ATP8B1: variants seen among roughly 807,000 people sequenced by gnomAD.
ATP8B1 encodes ATPase phospholipid transporting 8B1.
ATP8B1 carries 80 observed loss-of-function variants against 149.9 expected under a neutral mutation model. That is an observed-to-expected ratio of 0.53 (90% CI 0.45 to 0.64). The LOEUF is 0.64. Among genes scored for constraint, ATP8B1 ranks in the 30% least tolerant of loss-of-function variants. ATP8B1 has a pLI of 0.00. For synonymous variants in ATP8B1, 536 were observed against 562.8 expected (o/e 0.95, Z 0.67); for missense variants, 1,247 against 1,552.6 (o/e 0.80, Z 3.31).
rs1278178095 is a variant in ATP8B1 at position 57,802,243 on chromosome 18, G to T, written c.-26+755C>A. ...AACATCTCCCCGCGCCCCCCAACAAGTTGCCCCTCCTCGTGCACACAGCGA... is the reference window on the plus strand; with the variant it reads ...AACATCTCCCCGCGCCCCCCAACAATTTGCCCCTCCTCGTGCACACAGCGA... On this transcript the variant is annotated intron_variant, in intron 1 of 27. Transcript: ENST00000648908. The surrounding 1 kb of genome is among the most constrained non-coding windows in gnomAD (Gnocchi z 4.9). Among the ~76,000 whole-genome samples the T allele has an allele frequency of 2.0e-5, 3 of 152,164 alleles. No homozygotes were observed. The highest frequency in any genetic ancestry group is 7.2e-5 in the African/African-American group (3 of 41,434).
chr18:57,796,790 G>A (rs1040045960), intron 1 of ATP8B1, among the ~76,000 whole-genome samples: 3 of 152,262 alleles, frequency 2.0e-5, no homozygotes, highest in Admixed American at 6.5e-5. Context: ...GGATTCAAGC[G>A]ATTCTCCTGC....
At chr18:57,682,905 T>C (rs1912053522) in intron 15 of ATP8B1, among the ~76,000 whole-genome samples, 1 of 152,084 alleles carries the variant, frequency 6.6e-6, no homozygotes, top group Admixed American at 6.6e-5. Flanking sequence ...ATGGTGAGAC[T>C]ATGGCTCACT....
At chr18:57,648,849 C>T (rs987121574) in intron 27 of ATP8B1, 137 bp from the exon 28 acceptor site, 9 of 499,640 alleles carry the variant, frequency 1.8e-5, no homozygotes, top group African/African-American at 9.6e-5. Context: ...GTTCTGTCCC[C>T]ACTTGTGTGT....
intron 16 of ATP8B1, among the ~76,000 whole-genome samples, chr18:57,671,969 A>G (rs1911239642): frequency 6.6e-6 from 1 of 152,176 alleles, no homozygotes; most frequent in Non-Finnish European, 1.5e-5. Context: ...TTAATTTGAA[A>G]TGTTACTATC....
At chr18:57,761,669 A>C (rs2080159458) in intron 1 of ATP8B1, among the ~76,000 whole-genome samples, 1 of 150,366 alleles carries the variant, frequency 6.7e-6, no homozygotes, top group African/African-American at 2.4e-5. Flanking sequence ...TTTTTAATGG[A>C]CTAGGCCAGG....
At chr18:57,648,971 C>T (rs866024060) in intron 27 of ATP8B1, among the ~76,000 whole-genome samples, 3 of 152,020 alleles carry the variant, frequency 2.0e-5, no homozygotes, top group African/African-American at 7.3e-5. Flanking sequence ...GATCTTGGCT[C>T]ACTGCAACCT....
In ATP8B1 at chr18:57,664,903, GTTC is replaced by G. The variant is rs1040275136; in HGVS notation, c.2285+2186_2285+2188del. Among the ~76,000 whole-genome samples the G allele has an allele frequency of 6.9e-4, 105 of 152,282 alleles. 1 individual carries two copies. The highest frequency in any genetic ancestry group is 4.4e-3 in the Admixed American group (68 of 15,292). On this transcript the variant is annotated intron_variant, in intron 20 of 27. Transcript: ENST00000648908. ...TTACTATTACATACAAAAAGCCATTGTTCTTCTCCTTCCAAAGAAGGCTTCTCA... is the reference window on the plus strand; with the variant it reads ...TTACTATTACATACAAAAAGCCATTGTTCTCCTTCCAAAGAAGGCTTCTCA...
At chr18:57,744,307 C>CAAAAAAAAAAAAAAA (rs10680324) in intron 1 of ATP8B1, among the ~76,000 whole-genome samples, 1 of 97,884 alleles carries the variant, frequency 1.0e-5, no homozygotes, top group Non-Finnish European at 1.9e-5. Flanking sequence ...GAGACTGTCT[C>CAAAAAAAAAAAAAAA]AAAAAAAAAA....
chr18:57,771,492 A>T (rs34567920), intron 1 of ATP8B1, among the ~76,000 whole-genome samples: 89,249 of 152,008 alleles, frequency 0.59, 26,683 homozygotes, highest in East Asian at 0.88. Context: ...GGTCTGAGAT[A>T]ACCAGGTTCC....
rs1359891883 is a variant in ATP8B1, at chr18:57,731,715, ATCT to A, written c.90_92del (p.Glu30del). ...CAGCAGACCCCTGGTCATCAAGTTCATCTTCTGTTTCATCATCACTGTAGGGAA... is the reference window on the plus strand; with the variant it reads ...CAGCAGACCCCTGGTCATCAAGTTCATCTGTTTCATCATCACTGTAGGGAA... On this transcript the variant is annotated inframe_deletion, in exon 2 of 28. Transcript: ENST00000648908. 2 of 1,613,976 alleles carry A rather than the reference ATCT, an allele frequency of 1.2e-6. No individual in the cohort carries two copies. The highest frequency in any genetic ancestry group is 4.5e-5 in the East Asian group (2 of 44,894).
In ATP8B1 at chr18:57,674,850, C is replaced by G. The variant is rs777624576; in HGVS notation, c.1803G>C (p.Lys601Asn). ...GGGACTTACCAATGATAGACATTCGCTTCCGGTCACTGTTGAAGTCCAAAA... is the reference window on the plus strand; with the variant it reads ...GGGACTTACCAATGATAGACATTCGGTTCCGGTCACTGTTGAAGTCCAAAA... ...LAILDFNSDR[K>N]RMSIIVRTPE... The change falls in exon 16 of 28, where the codon AAG becomes AAC. Residue 601 changes from lysine (K) to asparagine (N), a missense_variant. Transcript: ENST00000648908. The G allele has an allele frequency of 1.2e-6, 2 of 1,614,058 alleles. No homozygotes were observed. The highest frequency in any genetic ancestry group is 1.7e-6 in the Non-Finnish European group (2 of 1,180,000).
rs758906628 is a variant in ATP8B1 at position 57,648,666 on chromosome 18, C to T, written c.3578G>A (p.Arg1193Gln). ...KRLKAEEQWQ[R>Q]RQQVFRRGVS... is the part of the protein sequence containing the mutation. ...GCCCCGGCGGAACACCTGCTGCCGT[C>T]GCTGCCACTGCTCCTCCGCCTTCAA... Residue 1193 changes from arginine to glutamine, a missense_variant, in exon 28 of 28, where the codon CGA (arginine) becomes CAA (glutamine). Coordinates refer to ENST00000648908, the MANE Select transcript of ATP8B1 (RefSeq NM_001374385.1). 1.9e-6 allele frequency: 3 copies of T among 1,573,696 alleles called. No individual in the cohort carries two copies. The highest frequency in any genetic ancestry group is 1.2e-5 in the South Asian group (1 of 86,872).
At chr18:57,694,554 G>C (rs756260161) in intron 11 of ATP8B1, 28 bp downstream of exon 11, 2 of 1,375,272 alleles carry the variant, frequency 1.5e-6, no homozygotes, top group African/African-American at 2.9e-5. Context: ...ATCTAGATGA[G>C]AGATCTACTG....
intron 2 of ATP8B1, among the ~76,000 whole-genome samples, 194 bp from the exon 3 acceptor site, chr18:57,706,781 G>C (rs1453323398): frequency 1.3e-5 from 2 of 152,174 alleles, no homozygotes; most frequent in Non-Finnish European, 2.9e-5. Context: ...AATTCAACAT[G>C]ACTGATACCT....
chr18:57,783,643 CT>C (rs1421478147), intron 1 of ATP8B1, among the ~76,000 whole-genome samples: 1 of 152,114 alleles, frequency 6.6e-6, no homozygotes, highest in East Asian at 1.9e-4. Context: ...CAAAACCAGC[CT>C]GGCCAACATA....
At chr18:57,778,472 C>T (rs1240551864) in intron 1 of ATP8B1, among the ~76,000 whole-genome samples, 2 of 151,974 alleles carry the variant, frequency 1.3e-5, no homozygotes, top group African/African-American at 4.8e-5. Context: ...CCTCGTGATC[C>T]GCCCGCCTCG....
At position 57,730,444 on chromosome 18, in the gene ATP8B1, G is replaced by A. The variant is rs75762909; in HGVS notation, c.181+1183C>T. On this transcript the variant is annotated intron_variant, in intron 2 of 27. Coordinates refer to ENST00000648908, the MANE Select transcript of ATP8B1 (RefSeq NM_001374385.1). ...AAGGTTGTTCGGCTAGAATTTTAGG[G>A]AACACCATGGAGGAAATATTTTCAG... Among the ~76,000 whole-genome samples, 771 of 152,228 alleles carry A rather than the reference G, an allele frequency of 5.1e-3. 9 individuals carry two copies. The highest frequency in any genetic ancestry group is 0.017 in the African/African-American group (723 of 41,546).
intron 15 of ATP8B1, among the ~76,000 whole-genome samples, chr18:57,676,856 A>G (rs1228169714): frequency 6.6e-6 from 1 of 152,060 alleles, no homozygotes; most frequent in Non-Finnish European, 1.5e-5. Flanking sequence ...CATTTCAACA[A>G]TAAGAATAAG....
At chr18:57,796,619 C>G (rs1033071863) in intron 1 of ATP8B1, among the ~76,000 whole-genome samples, 1 of 152,182 alleles carries the variant, frequency 6.6e-6, no homozygotes, top group African/African-American at 2.4e-5. Context: ...ACAAAACCTA[C>G]CCATCTCCCC....
Sources: gnomAD v4.1 joint callset for allele counts (sites outside exome capture counted in the v4.1 genomes callset) on GRCh38, gnomAD v4.1.1 for gene constraint, Gnocchi (gnomAD v3.1) non-coding constraint, MANE v1.5 for transcripts, NCBI Gene and HGNC (gene_info 2026-07-23, HGNC 2026-07-21) for gene names.